HPSE2: variants seen among roughly 807,000 people sequenced by gnomAD.
HPSE2 encodes inactive heparanase-2.
HPSE2 carries 38 observed loss-of-function variants against 60.5 expected under a neutral mutation model. The observed-to-expected ratio is 0.63, with a 90% CI of 0.48 to 0.82. The LOEUF (loss-of-function observed/expected upper bound fraction) is 0.82, where lower values mean the gene tolerates loss of function less well. HPSE2 is among the 40% of genes least tolerant of loss of function. The pLI is 0.00. For missense variants in HPSE2, 713 were observed against 740.4 expected, an observed-to-expected ratio of 0.96 and a Z score of 0.43; for synonymous variants, 295 against 293.2, an observed-to-expected ratio of 1.01 and a Z score of -0.06.
Position 98,459,463 on chromosome 10 carries a change from T to C in HPSE2, c.*111A>G, listed in dbSNP as rs896630439. 17 of 1,144,368 alleles carry C rather than the reference T, an allele frequency of 1.5e-5. No homozygotes were observed. Among genetic ancestry groups the C allele is most frequent in the African/African-American group, 9.2e-5 (6 of 65,304 alleles). 70.9% of individuals were successfully genotyped at this position (1,144,368 alleles called of 1,614,324 possible). On this transcript the variant is annotated 3_prime_UTR_variant, in exon 12 of 12. Transcript: ENST00000370552. ...CAAGTCTGTGTTGATTCCAGCAGGA[T>C]GGGGCAGCAGGGGCTGGTTGCTAGG...
At chr10:98,855,234 C>T (rs1952282465) in intron 3 of HPSE2, among the ~76,000 whole-genome samples, 1 of 152,152 alleles carries the variant, frequency 6.6e-6, no homozygotes, top group South Asian at 2.1e-4. Flanking sequence ...GTATAGAACA[C>T]CTGGGAGTCT....
chr10:98,853,398 T>A (rs1952230133), intron 3 of HPSE2, among the ~76,000 whole-genome samples: 2 of 152,226 alleles, frequency 1.3e-5, no homozygotes, highest in South Asian at 4.1e-4. Flanking sequence ...ATCCCAGTTC[T>A]CCCAGTCAAC....
chr10:98,553,849 T>G (rs1366177547), intron 9 of HPSE2, among the ~76,000 whole-genome samples: 1 of 152,222 alleles, frequency 6.6e-6, no homozygotes, highest in East Asian at 1.9e-4. Context: ...TGTTTTGTTC[T>G]CAGTGGAATT....
intron 7 of HPSE2, among the ~76,000 whole-genome samples, chr10:98,627,141 G>A (rs182873937): frequency 9.2e-5 from 14 of 152,232 alleles, no homozygotes; most frequent in South Asian, 4.2e-4. Flanking sequence ...TCCAGAAAAC[G>A]GTTGGATTTA....
chr10:98,749,363 T>C (rs1330375688), intron 3 of HPSE2, among the ~76,000 whole-genome samples: 1 of 151,820 alleles, frequency 6.6e-6, no homozygotes, highest in Non-Finnish European at 1.5e-5. Context: ...CACATATGCA[T>C]GCATATATAT....
intron 2 of HPSE2, among the ~76,000 whole-genome samples, chr10:99,189,182 A>G (rs1016914616): frequency 7.9e-5 from 12 of 152,364 alleles, no homozygotes; most frequent in African/African-American, 2.9e-4. Flanking sequence ...TCAGTAATGA[A>G]TATCAGACCA....
At chr10:99,164,755 T>C (rs1429327271) in intron 2 of HPSE2, among the ~76,000 whole-genome samples, 3 of 152,198 alleles carry the variant, frequency 2.0e-5, no homozygotes, top group Non-Finnish European at 4.4e-5. Context: ...CCAGGCGCAG[T>C]GGCGCATGCC....
At chr10:99,102,677 A>C (rs921316751) in intron 3 of HPSE2, among the ~76,000 whole-genome samples, 20 of 152,182 alleles carry the variant, frequency 1.3e-4, no homozygotes, top group African/African-American at 4.1e-4. Flanking sequence ...GAGACACAAC[A>C]AAAAAAGAGA....
intron 3 of HPSE2, among the ~76,000 whole-genome samples, chr10:99,014,247 T>C (rs1049158871): frequency 1.3e-5 from 2 of 152,216 alleles, no homozygotes; most frequent in Non-Finnish European, 2.9e-5. Context: ...TTGCTAAGGA[T>C]AATGGCCTCC....
intron 4 of HPSE2, among the ~76,000 whole-genome samples, chr10:98,738,959 A>G (rs1344213678): frequency 6.6e-6 from 1 of 152,228 alleles, no homozygotes; most frequent in Admixed American, 6.5e-5. Context: ...TGACCCAGCC[A>G]TCCCATTACT....
At chr10:98,597,550 A>G (rs1945275008) in intron 9 of HPSE2, among the ~76,000 whole-genome samples, 1 of 151,782 alleles carries the variant, frequency 6.6e-6, no homozygotes, top group Non-Finnish European at 1.5e-5. Context: ...ATGTGCCTGT[A>G]GTCCCAGCTA....
intron 3 of HPSE2, among the ~76,000 whole-genome samples, chr10:98,969,298 G>C (rs1355155960): frequency 6.6e-6 from 1 of 152,102 alleles, no homozygotes; most frequent in Non-Finnish European, 1.5e-5. Context: ...TGTAAGTCAA[G>C]CCTTAGAACC....
At chr10:99,128,140 A>AT (rs561539076) in intron 3 of HPSE2, among the ~76,000 whole-genome samples, 89 of 152,362 alleles carry the variant, frequency 5.8e-4, no homozygotes, top group Admixed American at 1.3e-3. Flanking sequence ...ACAATACCTC[A>AT]TATCTCAATA....
intron 3 of HPSE2, among the ~76,000 whole-genome samples, chr10:98,985,140 A>T (rs1956309213): frequency 6.6e-6 from 1 of 152,206 alleles, no homozygotes. Flanking sequence ...AATACAGAGA[A>T]CGCCACAAAG....
chr10:99,173,270 G>C (rs1049431268), intron 2 of HPSE2, among the ~76,000 whole-genome samples: 3 of 152,162 alleles, frequency 2.0e-5, no homozygotes, highest in Non-Finnish European at 4.4e-5. Flanking sequence ...GTATAAGGAA[G>C]ATATTAGGAG....
rs1328244535 is a variant in HPSE2 at position 98,637,852 on chromosome 10, T to G, written c.1098+3995A>C. 2.0e-5 allele frequency among the ~76,000 whole-genome samples: 3 copies of G among 152,096 alleles called. No homozygotes were observed. In the East Asian group the frequency reaches 5.8e-4, roughly 29 times the overall value. ...GGTATATAGACAGTAAAACCTTACT[T>G]GGAAGGCCAGGCACGGTGGCTCACA... On this transcript the variant is annotated intron_variant, in intron 7 of 11. Coordinates refer to ENST00000370552, the MANE Select transcript of HPSE2 (RefSeq NM_021828.5).
intron 3 of HPSE2, among the ~76,000 whole-genome samples, chr10:98,877,532 T>G (rs1952910646): frequency 6.6e-6 from 1 of 151,910 alleles, no homozygotes; most frequent in South Asian, 2.1e-4. Flanking sequence ...CCCCATCTCA[T>G]AAGTTTATTG....
chr10:99,197,238 T>G (rs1247027974), intron 2 of HPSE2, among the ~76,000 whole-genome samples: 1 of 151,408 alleles, frequency 6.6e-6, no homozygotes, highest in African/African-American at 2.4e-5. Flanking sequence ...TCATGGGGGG[T>G]TGGCAGGGAG....
At chr10:98,834,421 CACT>C (rs1333731490) in intron 3 of HPSE2, among the ~76,000 whole-genome samples, 1 of 152,042 alleles carries the variant, frequency 6.6e-6, no homozygotes, top group African/African-American at 2.4e-5. Flanking sequence ...CTAACTGCAC[CACT>C]GAGTAGCCAG....
Sources: gnomAD v4.1 joint callset for allele counts (sites outside exome capture counted in the v4.1 genomes callset) on GRCh38, gnomAD v4.1.1 for gene constraint, MANE v1.5 for transcripts, NCBI Gene and HGNC (gene_info 2026-07-23, HGNC 2026-07-21) for gene names.